The following DNAH11 variants were observed in gnomAD, a reference collection of about 807,000 sequenced individuals.
DNAH11 encodes dynein axonemal heavy chain 11.
A neutral mutation model predicts 526.0 loss-of-function variants in DNAH11; 442 were observed. The observed-to-expected ratio is 0.84, with a 90% confidence interval of 0.78 to 0.91. The LOEUF is 0.91. Ranked by LOEUF, DNAH11 falls within the 40% of genes least tolerant of loss-of-function variation. The pLI is 0.00. For synonymous variants in DNAH11, 2,461 were observed against 1,935.9 expected, an observed-to-expected ratio of 1.27 and a Z score of -7.12; for missense variants, 6,989 against 5,448.7, an observed-to-expected ratio of 1.28 and a Z score of -8.90.
chr7:21,552,838 T>C (rs1468362310), intron 2 of DNAH11, among the ~76,000 whole-genome samples: 1 of 152,108 alleles, frequency 6.6e-6, no homozygotes, highest in East Asian at 1.9e-4. Context: ...ACCACTTATG[T>C]TCATAGGGTA....
At chr7:21,596,926 TCTTGA>T (rs1201036453) in intron 14 of DNAH11, among the ~76,000 whole-genome samples, 1 of 152,256 alleles carries the variant, frequency 6.6e-6, no homozygotes, top group Admixed American at 6.5e-5. Context: ...ATTATTTTCC[TCTTGA>T]CTTAGCACGT....
chr7:21,732,568 G>A (rs1403327961), intron 45 of DNAH11, among the ~76,000 whole-genome samples: 1 of 152,172 alleles, frequency 6.6e-6, no homozygotes, highest in Non-Finnish European at 1.5e-5. Context: ...CTGAGGTACT[G>A]CAGATGAGGA....
At chr7:21,670,438 A>T (rs184064234) in intron 30 of DNAH11, among the ~76,000 whole-genome samples, 1 of 152,198 alleles carries the variant, frequency 6.6e-6, no homozygotes, top group Admixed American at 6.5e-5. Flanking sequence ...ATAAATATAT[A>T]CTCTACAGGG....
intron 44 of DNAH11, among the ~76,000 whole-genome samples, chr7:21,723,471 A>G (rs1047089519): frequency 6.6e-6 from 1 of 152,176 alleles, no homozygotes; most frequent in Non-Finnish European, 1.5e-5. Context: ...AACTGCCGTC[A>G]TTTCTCACTT....
At chr7:21,753,252 G>T (rs1786489355) in intron 54 of DNAH11, among the ~76,000 whole-genome samples, 1 of 152,140 alleles carries the variant, frequency 6.6e-6, no homozygotes, top group Non-Finnish European at 1.5e-5. Flanking sequence ...AGGACCTGGA[G>T]ACTCTGTACC....
At chr7:21,668,441 C>T (rs1419853646) in intron 30 of DNAH11, among the ~76,000 whole-genome samples, 2 of 152,160 alleles carry the variant, frequency 1.3e-5, no homozygotes, top group Non-Finnish European at 1.5e-5. Flanking sequence ...ATTGCATGTG[C>T]TAGCCCTCTT....
chr7:21,818,172 G>T (rs575300830), intron 64 of DNAH11, 45 bp from the exon 65 acceptor site: 16 of 1,581,226 alleles, frequency 1.0e-5, no homozygotes, highest in African/African-American at 1.4e-5. Flanking sequence ...TGAACATTTT[G>T]TGCCAATTTA....
chr7:21,563,219 CT>C (rs1422016252), intron 5 of DNAH11, among the ~76,000 whole-genome samples: 2 of 150,616 alleles, frequency 1.3e-5, no homozygotes, highest in Admixed American at 1.3e-4. Context: ...CTTCCTTTTT[CT>C]TTTTTGGAGA....
chr7:21,727,459 G>C (rs1052585279), intron 45 of DNAH11, among the ~76,000 whole-genome samples: 3 of 152,032 alleles, frequency 2.0e-5, no homozygotes, highest in Admixed American at 6.6e-5. Context: ...GTTTAATCTC[G>C]TCTATTCACG....
Position 21,635,896 on chromosome 7 carries a change from G to C in DNAH11, c.4526G>C (p.Ser1509Thr), listed in dbSNP as rs1278485918. 6.2e-7 allele frequency: 1 copy of C among 1,611,844 alleles called. No individual in the cohort carries two copies. The highest frequency in any genetic ancestry group is 1.1e-5 in the South Asian group (1 of 90,526). Reference protein sequence around the residue: ...NQVQLQTLLQSKYVEYFIEQV... With the variant: ...NQVQLQTLLQTKYVEYFIEQV... ...GTTCAGTTGCAGACTCTTCTTCAAA[G>C]CAAGTATGTAGAATATTTCATTGAG... The change falls in exon 26 of 82, where the codon AGC (serine) becomes ACC (threonine). Residue 1509 changes from serine (S) to threonine (T), a missense_variant. Coordinates refer to ENST00000409508, the MANE Select transcript of DNAH11 (RefSeq NM_001277115.2).
chr7:21,810,385 T>A (rs1179032237), intron 63 of DNAH11, among the ~76,000 whole-genome samples: 2 of 152,178 alleles, frequency 1.3e-5, no homozygotes, highest in African/African-American at 4.8e-5. Flanking sequence ...ATCCAGCCCT[T>A]TCTGGAGTAT....
intron 28 of DNAH11, among the ~76,000 whole-genome samples, chr7:21,644,110 G>C (rs1787245016): frequency 6.6e-6 from 1 of 152,172 alleles, no homozygotes; most frequent in African/African-American, 2.4e-5. Flanking sequence ...CTAAATTACA[G>C]CGATGAGACA....
intron 36 of DNAH11, among the ~76,000 whole-genome samples, chr7:21,702,232 T>C (rs1260753756): frequency 6.6e-6 from 1 of 152,182 alleles, no homozygotes; most frequent in African/African-American, 2.4e-5. Flanking sequence ...TTTTATTATA[T>C]TATGTGCTGG....
chr7:21,894,649 G>A lies in DNAH11; in HGVS notation c.12777G>A (p.Leu4259=), dbSNP rs1186815101. 6.2e-7 allele frequency: 1 copy of A among 1,613,850 alleles called. No homozygotes were observed. Among genetic ancestry groups the A allele is most frequent in the Non-Finnish European group, 8.5e-7 (1 of 1,179,858 alleles). The change falls in exon 78 of 82, where the codon TTG becomes TTA. Residue 4259 remains leucine (L), a synonymous_variant. Coordinates refer to ENST00000409508, the MANE Select transcript of DNAH11 (RefSeq NM_001277115.2). Reference sequence around the variant, plus strand: ...TTAAGAATGTCTTGGATGACATTTTGGAGAAACTTCCAGAAGAGTTCAACA... The same window carrying A: ...TTAAGAATGTCTTGGATGACATTTTAGAGAAACTTCCAGAAGAGTTCAACA... ...EKVKNVLDDI[L]EKLPEEFNMA...
At chr7:21,563,409 A>G (rs1235375607) in intron 5 of DNAH11, among the ~76,000 whole-genome samples, 6 of 151,982 alleles carry the variant, frequency 3.9e-5, no homozygotes, top group African/African-American at 1.4e-4. Flanking sequence ...GGGTCTTGCT[A>G]TCTTTCCCAG....
In DNAH11 at chr7:21,745,052, C is replaced by T. The variant is rs1317110234; in HGVS notation, c.8499C>T (p.Ala2833=). ...AAMHLVLFED[A]MQHVCRISRI... is the part of the protein sequence containing the mutation. ...TGCACCTAGTTTTGTTTGAAGATGC[C>T]ATGCAACATGTGTGAGTTAACTAGT... is the stretch of plus-strand genomic sequence containing the variant. The change falls in exon 51 of 82, where the codon GCC becomes GCT. Residue 2833 remains alanine, a synonymous_variant. Transcript: ENST00000409508. 6.2e-7 allele frequency: 1 copy of T among 1,606,292 alleles called. No individual in the cohort carries two copies. The highest frequency in any genetic ancestry group is 8.5e-7 in the Non-Finnish European group (1 of 1,176,198).
At chr7:21,598,319 A>C (rs980766080) in intron 14 of DNAH11, among the ~76,000 whole-genome samples, 1 of 152,064 alleles carries the variant, frequency 6.6e-6, no homozygotes, top group Admixed American at 6.6e-5. Context: ...TCTAGAATCA[A>C]CTTTGCTGCC....
At chr7:21,672,504 C>T (rs546973754) in intron 30 of DNAH11, among the ~76,000 whole-genome samples, 1 of 152,286 alleles carries the variant, frequency 6.6e-6, no homozygotes, top group East Asian at 1.9e-4. Context: ...CTAGGCTGGT[C>T]TCAAACTCCT....
At chr7:21,750,485 C>A in intron 54 of DNAH11, 121 bp downstream of exon 54, 2 of 1,273,754 alleles carry the variant, frequency 1.6e-6, no homozygotes, top group South Asian at 1.4e-5. Context: ...AGGACGTGTG[C>A]ATTTTTACAC....
Sources: allele counts gnomAD v4.1 joint callset (sites outside exome capture counted in the v4.1 genomes callset), GRCh38; gene constraint gnomAD v4.1.1; transcripts MANE v1.5; gene names NCBI Gene and HGNC (gene_info 2026-07-23, HGNC 2026-07-21).